The following GALNTL5 variants were observed in gnomAD, a reference collection of about 807,000 sequenced individuals.
GALNTL5 encodes inactive polypeptide N-acetylgalactosaminyltransferase-like protein 5.
Under a neutral mutation model 51.0 loss-of-function variants are expected in GALNTL5, and 44 were observed. The ratio of observed to expected loss-of-function variants is 0.86; its 90% CI spans 0.68 to 1.11. GALNTL5 has a LOEUF of 1.11. Ranked by LOEUF, GALNTL5 falls within the 50% of genes least tolerant of loss-of-function variation. The pLI, the probability that GALNTL5 is intolerant of heterozygous loss-of-function variation, is 0.00. For synonymous variants in GALNTL5, 192 were observed against 182.8 expected (o/e 1.05, Z -0.41); for missense variants, 528 against 531.8 (o/e 0.99, Z 0.07).
At chr7:151,973,473 A>G (rs1245846796) in intron 3 of GALNTL5, among the ~76,000 whole-genome samples, 1 of 152,188 alleles carries the variant, frequency 6.6e-6, no homozygotes, top group African/African-American at 2.4e-5. Flanking sequence ...TACAAAAAAA[A>G]AAAAAGAAGA....
intron 5 of GALNTL5, among the ~76,000 whole-genome samples, chr7:152,000,071 A>G (rs1401785580): frequency 1.3e-5 from 2 of 152,240 alleles, no homozygotes; most frequent in Admixed American, 6.5e-5. Context: ...AATTGGAAAT[A>G]TATTGGGATT....
intron 6 of GALNTL5, 52 bp downstream of exon 6, chr7:152,003,015 A>C (rs1006981536): frequency 1.3e-6 from 2 of 1,491,180 alleles, no homozygotes; most frequent in African/African-American, 2.8e-5. Context: ...ATTGAGACCC[A>C]GGGGGAAAAA....
At position 151,992,999 on chromosome 7, in the gene GALNTL5, A is replaced by T. The variant is rs565079305; in HGVS notation, c.658+5718A>T. On this transcript the variant is annotated intron_variant, in intron 5 of 8. Transcript: ENST00000392800. ...ATGCCTAGAATCCCCGCACTTTGAG[A>T]GGCCGAGGCGGGCGGATCACCTGAG... Among the ~76,000 whole-genome samples the T allele has an allele frequency of 1.3e-3, 203 of 152,274 alleles. 1 individual carries two copies. The highest frequency in any genetic ancestry group is 4.8e-3 in the African/African-American group (199 of 41,554).
At chr7:151,963,961 G>A (rs1018344630) in intron 1 of GALNTL5, among the ~76,000 whole-genome samples, 1 of 152,156 alleles carries the variant, frequency 6.6e-6, no homozygotes, top group Non-Finnish European at 1.5e-5. Context: ...AGCTGTAGGA[G>A]TCAGCTCCGG....
At chr7:151,970,749 ATTC>A in intron 2 of GALNTL5, 193 bp from the exon 3 acceptor site, 1 of 372,558 alleles carries the variant, frequency 2.7e-6, no homozygotes, top group Non-Finnish European at 5.0e-6. Context: ...AGCCTCAGGT[ATTC>A]CTTTATAGCA....
At chr7:152,014,533 G>A (rs1024638700) in intron 7 of GALNTL5, 111 bp from the exon 8 acceptor site, 8 of 1,056,468 alleles carry the variant, frequency 7.6e-6, no homozygotes, top group Non-Finnish European at 9.4e-6. Flanking sequence ...CTCCCAAAAT[G>A]CTGGGATTAC....
intron 8 of GALNTL5, among the ~76,000 whole-genome samples, chr7:152,017,189 G>A (rs2081830087): frequency 6.6e-6 from 1 of 152,174 alleles, no homozygotes. Context: ...AAACCTAGAT[G>A]GAGATGGTAT....
In GALNTL5 at chr7:151,969,780, C is replaced by A. The variant is rs190954745; in HGVS notation, c.248-1165C>A. On this transcript the variant is annotated intron_variant, in intron 2 of 8. Transcript: ENST00000392800. ...AGAAAGGGTACAATTACCTATGTTG[C>A]AAGCTAAACAAAACTAAATTTTTGT... Among the ~76,000 whole-genome samples, 5 of 152,260 alleles carry A rather than the reference C, an allele frequency of 3.3e-5. No individual in the cohort carries two copies. The East Asian group carries it at 7.7e-4, about 24-fold the overall frequency.
At chr7:151,978,281 AT>A (rs2081232007) in intron 3 of GALNTL5, among the ~76,000 whole-genome samples, 2 of 152,280 alleles carry the variant, frequency 1.3e-5, no homozygotes, top group Non-Finnish European at 2.9e-5. Flanking sequence ...GGAGAAATCC[AT>A]TTTTTTAATT....
At position 152,019,773 on chromosome 7, in the gene GALNTL5, A is replaced by C; in HGVS notation, c.1304A>C (p.Glu435Ala). ...FQWYLDNVFP[E>A]LEASVNSL is the part of the protein sequence containing the mutation. ...TGGTATTTGGATAATGTCTTCCCAG[A>C]GTTGGAGGCATCTGTGAACAGCCTG... The change falls in exon 9 of 9, where the codon GAG becomes GCG. Residue 435 changes from glutamate (E) to alanine (A), a missense_variant. Physicochemically the swap from Glu to Ala is moderately radical, Grantham distance 107. Coordinates refer to ENST00000392800, the MANE Select transcript of GALNTL5 (RefSeq NM_145292.4). 6.2e-7 allele frequency: 1 copy of C among 1,613,268 alleles called. No homozygotes were observed. The highest frequency in any genetic ancestry group is 8.5e-7 in the Non-Finnish European group (1 of 1,179,538).
intron 5 of GALNTL5, among the ~76,000 whole-genome samples, chr7:151,999,176 T>C (rs1315604359): frequency 1.3e-5 from 2 of 152,230 alleles, no homozygotes; most frequent in Non-Finnish European, 2.9e-5. Flanking sequence ...ATTTTTGAGG[T>C]TCATCCACAT....
chr7:151,972,635 A>G (rs946859514), intron 3 of GALNTL5, among the ~76,000 whole-genome samples: 2 of 152,224 alleles, frequency 1.3e-5, no homozygotes, highest in African/African-American at 4.8e-5. Flanking sequence ...CTCCAGCTCC[A>G]GCCATGGCCA....
At chr7:151,973,458 C>T (rs1462441561) in intron 3 of GALNTL5, among the ~76,000 whole-genome samples, 2 of 135,914 alleles carry the variant, frequency 1.5e-5, no homozygotes, top group East Asian at 2.1e-4. Context: ...GAGCAAGCTC[C>T]GTCTTACAAA....
intron 3 of GALNTL5, among the ~76,000 whole-genome samples, chr7:151,973,459 G>A (rs556238489): frequency 7.6e-4 from 100 of 131,112 alleles, no homozygotes; most frequent in African/African-American, 2.4e-3. Flanking sequence ...AGCAAGCTCC[G>A]TCTTACAAAA....
chr7:151,983,203 G>C, intron 4 of GALNTL5, 51 bp downstream of exon 4: 1 of 1,494,716 alleles, frequency 6.7e-7, no homozygotes, highest in Non-Finnish European at 9.3e-7. Flanking sequence ...TTGTTGTTGA[G>C]ATTTCCCTCT....
intron 1 of GALNTL5, among the ~76,000 whole-genome samples, chr7:151,959,035 C>T (rs554335760): frequency 6.6e-6 from 1 of 152,140 alleles, no homozygotes; most frequent in Non-Finnish European, 1.5e-5. Flanking sequence ...GGCTACAAGG[C>T]ATTGAGGAAG....
intron 1 of GALNTL5, among the ~76,000 whole-genome samples, chr7:151,966,309 C>T (rs1271286546): frequency 2.0e-5 from 3 of 151,482 alleles, no homozygotes; most frequent in African/African-American, 7.3e-5. Context: ...TTCTTGTTGC[C>T]CAGGCTGGAG....
At chr7:152,002,397 T>C (rs911201616) in intron 5 of GALNTL5, among the ~76,000 whole-genome samples, 1 of 152,182 alleles carries the variant, frequency 6.6e-6, no homozygotes, top group Non-Finnish European at 1.5e-5. Context: ...AAATTTAAGC[T>C]GATCAGTCAA....
chr7:152,009,278 TG>T (rs2081697502), intron 7 of GALNTL5, among the ~76,000 whole-genome samples: 1 of 152,208 alleles, frequency 6.6e-6, no homozygotes, highest in Non-Finnish European at 1.5e-5. Flanking sequence ...ATCGATATCC[TG>T]GAAGGCCCTC....
Sources: gnomAD v4.1 joint callset for allele counts (sites outside exome capture counted in the v4.1 genomes callset) on GRCh38, gnomAD v4.1.1 for gene constraint, MANE v1.5 for transcripts, NCBI Gene and HGNC (gene_info 2026-07-23, HGNC 2026-07-21) for gene names.